The following EPHA5 variants were observed in gnomAD, a reference collection of about 807,000 sequenced individuals.
EPHA5 encodes ephrin type-A receptor 5.
Under a neutral mutation model 105.0 loss-of-function variants are expected in EPHA5, and 60 were observed. The ratio of observed to expected loss-of-function variants is 0.57; its 90% CI spans 0.46 to 0.71. The LOEUF (loss-of-function observed/expected upper bound fraction) is 0.71, where lower values mean the gene tolerates loss of function less well. EPHA5 is among the 30% of genes least tolerant of loss of function. The pLI is 0.00. For synonymous variants in EPHA5, 513 were observed against 449.1 expected (o/e 1.14, Z -1.80); for missense variants, 1,218 against 1,274.7 (o/e 0.96, Z 0.68).
chr4:65,375,586 T>A (rs139010452), intron 8 of EPHA5, among the ~76,000 whole-genome samples: 1,597 of 152,072 alleles, frequency 0.011, 12 homozygotes, highest in Non-Finnish European at 0.017. Flanking sequence ...GACTCATAAA[T>A]GTTCACACTT....
At chr4:65,597,133 C>T (rs187099426) in intron 3 of EPHA5, among the ~76,000 whole-genome samples, 56 of 152,284 alleles carry the variant, frequency 3.7e-4, no homozygotes, top group African/African-American at 1.3e-3. Context: ...GTGTAACCCT[C>T]CTTATCCCGT....
rs2149437866 is a variant in EPHA5 at position 65,601,784 on chromosome 4, A to G, written c.767T>C (p.Leu256Pro). 1 of 1,614,156 alleles carries G rather than the reference A, an allele frequency of 6.2e-7. No individual in the cohort carries two copies. Reference protein sequence around the residue: ...TITGADSSQLLEVSGSCVNHS... With the variant: ...TITGADSSQLPEVSGSCVNHS... ...GTTGACACAGGAGCCTGACACTTCG[A>G]GCAATTGGGAAGAATCAGCTCCAGT... is the stretch of plus-strand genomic sequence containing the variant. The change falls in exon 3 of 17, where the codon CTC (leucine) becomes CCC (proline). Residue 256 changes from leucine (L) to proline (P), a missense_variant. This residue lies in a region of EPHA5 where 971 missense variants were observed against 1,013.5 expected (regional missense o/e 0.96). Coordinates refer to ENST00000613740, the MANE Select transcript of EPHA5 (RefSeq NM_001281766.3).
intron 3 of EPHA5, among the ~76,000 whole-genome samples, chr4:65,509,172 A>G (rs766913186): frequency 2.0e-5 from 3 of 152,182 alleles, no homozygotes; most frequent in Non-Finnish European, 4.4e-5. Flanking sequence ...CAACATTTAG[A>G]GACATACTTC....
intron 8 of EPHA5, among the ~76,000 whole-genome samples, chr4:65,391,271 C>T (rs549064291): frequency 1.3e-5 from 2 of 151,986 alleles, no homozygotes; most frequent in Non-Finnish European, 2.9e-5. Flanking sequence ...ATAGAATATG[C>T]TTTTTATCAC....
chr4:65,656,404 C>T (rs979328462), intron 1 of EPHA5, among the ~76,000 whole-genome samples: 1 of 151,072 alleles, frequency 6.6e-6, no homozygotes, highest in East Asian at 1.9e-4. Context: ...TATATAATTG[C>T]TTTAGCATTG....
Position 65,503,596 on chromosome 4 carries a change from T to C in EPHA5, c.911-8053A>G, listed in dbSNP as rs540187592. Among the ~76,000 whole-genome samples, 29 of 151,846 alleles carry C rather than the reference T, an allele frequency of 1.9e-4. No individual in the cohort carries two copies. In the South Asian group the frequency reaches 4.6e-3, roughly 24 times the overall value. On this transcript the variant is annotated intron_variant, in intron 3 of 16. Coordinates refer to ENST00000613740, the MANE Select transcript of EPHA5 (RefSeq NM_001281766.3). ...TTTTTAATTTATGCTCACCAAATAT[T>C]GGCAGAAATTCAAAGATAATATAAT...
At chr4:65,517,593 G>T (rs552131149) in intron 3 of EPHA5, among the ~76,000 whole-genome samples, 4 of 151,432 alleles carry the variant, frequency 2.6e-5, no homozygotes, top group Non-Finnish European at 5.9e-5. Flanking sequence ...TTTCTTTGCC[G>T]TTTATTCCCC....
At chr4:65,413,343 TA>T (rs533404318) in intron 7 of EPHA5, among the ~76,000 whole-genome samples, 1 of 152,090 alleles carries the variant, frequency 6.6e-6, no homozygotes, top group Non-Finnish European at 1.5e-5. Flanking sequence ...TTTAAAGGAA[TA>T]AAAAATATTT....
intron 5 of EPHA5, among the ~76,000 whole-genome samples, chr4:65,462,969 A>G (rs1029655851): frequency 6.6e-6 from 1 of 152,216 alleles, no homozygotes; most frequent in Non-Finnish European, 1.5e-5. Flanking sequence ...AGGTCTCTAA[A>G]GAAATTTATG....
intron 2 of EPHA5, among the ~76,000 whole-genome samples, chr4:65,637,985 T>A (rs1376344993): frequency 6.6e-6 from 1 of 152,068 alleles, no homozygotes; most frequent in East Asian, 1.9e-4. Context: ...GGTACATGTA[T>A]CTGATTATGA....
intron 4 of EPHA5, among the ~76,000 whole-genome samples, chr4:65,493,479 T>TATCA (rs1160199208): frequency 3.3e-5 from 5 of 152,318 alleles, no homozygotes; most frequent in African/African-American, 9.6e-5. Context: ...TCTGAACATC[T>TATCA]ATCAGGCGAT....
chr4:65,527,516 C>T (rs962349985), intron 3 of EPHA5, among the ~76,000 whole-genome samples: 1 of 152,016 alleles, frequency 6.6e-6, no homozygotes, highest in African/African-American at 2.4e-5. Flanking sequence ...GAAGTAGAGT[C>T]TCTACTTTTA....
intron 8 of EPHA5, among the ~76,000 whole-genome samples, chr4:65,403,168 T>A (rs560714314): frequency 6.6e-6 from 1 of 152,330 alleles, no homozygotes; most frequent in South Asian, 2.1e-4. Context: ...GAGGAAATGT[T>A]CAAAATAATT....
At chr4:65,462,899 G>T (rs1429322186) in intron 5 of EPHA5, among the ~76,000 whole-genome samples, 2 of 152,080 alleles carry the variant, frequency 1.3e-5, no homozygotes, top group Non-Finnish European at 2.9e-5. Context: ...CTGGGAACTG[G>T]ATACTTAAAC....
At chr4:65,422,017 C>A (rs1336808716) in intron 5 of EPHA5, among the ~76,000 whole-genome samples, 1 of 152,066 alleles carries the variant, frequency 6.6e-6, no homozygotes, top group African/African-American at 2.4e-5. Flanking sequence ...AATACCAACA[C>A]AGAAACAGCC....
intron 3 of EPHA5, among the ~76,000 whole-genome samples, chr4:65,510,191 C>T (rs939392420): frequency 7.3e-6 from 1 of 137,062 alleles, no homozygotes; most frequent in African/African-American, 2.7e-5. Flanking sequence ...TATGCCACTA[C>T]GTCTGGCTAA....
At chr4:65,599,419 C>A (rs1424804331) in intron 3 of EPHA5, among the ~76,000 whole-genome samples, 3 of 151,476 alleles carry the variant, frequency 2.0e-5, no homozygotes, top group Non-Finnish European at 2.9e-5. Flanking sequence ...AATCTCTCAA[C>A]AATATCTATG....
At chr4:65,573,846 A>C (rs1243170049) in intron 3 of EPHA5, 5 of 1,603,756 alleles carry the variant, frequency 3.1e-6, no homozygotes, top group Non-Finnish European at 4.3e-6. Context: ...GAGCCACGGC[A>C]AAAAAAAACC....
At chr4:65,608,869 T>C (rs1300950757) in intron 2 of EPHA5, among the ~76,000 whole-genome samples, 1 of 152,226 alleles carries the variant, frequency 6.6e-6, no homozygotes, top group Non-Finnish European at 1.5e-5. Context: ...TCTGTGCTTA[T>C]AAATTATTTT....
Sources: gnomAD v4.1 joint callset for allele counts (sites outside exome capture counted in the v4.1 genomes callset) on GRCh38, gnomAD v4.1.1 for gene constraint, gnomAD v4.1.1 regional missense constraint, MANE v1.5 for transcripts, NCBI Gene and HGNC (gene_info 2026-07-23, HGNC 2026-07-21) for gene names.